The following BAIAP2 variants were observed in gnomAD, a reference collection of about 807,000 sequenced individuals.
The protein encoded by BAIAP2 is BAR/IMD domain containing adaptor protein 2.
In BAIAP2, 18 loss-of-function variants were observed where a neutral mutation model predicts 63.0. The observed-to-expected ratio is 0.29, with a 90% CI of 0.20 to 0.42. The LOEUF (loss-of-function observed/expected upper bound fraction) is 0.42. Among genes scored for constraint, BAIAP2 ranks in the 10% least tolerant of loss-of-function variants. BAIAP2 has a pLI of 1.00. For synonymous variants in BAIAP2, 386 were observed against 307.6 expected (o/e 1.25, Z -2.67); for missense variants, 610 against 734.3 (o/e 0.83, Z 1.96).
intron 3 of BAIAP2, among the ~76,000 whole-genome samples, chr17:81,061,812 C>T (rs889705259): frequency 1.3e-5 from 2 of 152,142 alleles, no homozygotes; most frequent in African/African-American, 4.8e-5. Flanking sequence ...AATCTTCCCC[C>T]TTTGTTTCAC....
At chr17:81,067,889 C>T (rs970574833) in intron 3 of BAIAP2, among the ~76,000 whole-genome samples, 2 of 152,214 alleles carry the variant, frequency 1.3e-5, no homozygotes, top group African/African-American at 4.8e-5. Flanking sequence ...GGTACTGTCA[C>T]CAGTGCTCCC....
rs73365923 is a variant in BAIAP2 at position 81,073,397 on chromosome 17, C to T, written c.218-11435C>T. On this transcript the variant is annotated intron_variant, in intron 3 of 13. Coordinates refer to ENST00000428708, the MANE Select transcript of BAIAP2 (RefSeq NM_001144888.2). ...CCCTCACCCTGGGCTCAGCCAGGGCCGCCAGCCTTCTTCCTGGGAGCAGTC... is the reference window on the plus strand; with the variant it reads ...CCCTCACCCTGGGCTCAGCCAGGGCTGCCAGCCTTCTTCCTGGGAGCAGTC... Among the ~76,000 whole-genome samples the T allele has an allele frequency of 6.9e-3, 1,043 of 152,258 alleles. 14 individuals are homozygous for T. Among genetic ancestry groups the T allele is most frequent in the African/African-American group, 0.024 (987 of 41,532 alleles).
intron 1 of BAIAP2, among the ~76,000 whole-genome samples, chr17:81,049,822 T>C (rs1013916118): frequency 3.3e-5 from 5 of 152,194 alleles, no homozygotes; most frequent in Non-Finnish European, 1.5e-5. Context: ...TTGGCCTGAT[T>C]AGGGGAGCCG....
At chr17:81,054,999 A>T (rs975803850) in intron 2 of BAIAP2, among the ~76,000 whole-genome samples, 1 of 152,104 alleles carries the variant, frequency 6.6e-6, no homozygotes, top group African/African-American at 2.4e-5. Context: ...CAGCATCTTC[A>T]TGGGCAGAGT....
At chr17:81,037,660 G>A (rs1364308675) in intron 1 of BAIAP2, among the ~76,000 whole-genome samples, 2 of 152,252 alleles carry the variant, frequency 1.3e-5, no homozygotes, top group African/African-American at 2.4e-5. Flanking sequence ...TCCCGGGGCC[G>A]CTCCTGTGCC....
At chr17:81,113,368 A>C (rs2060131363) in intron 13 of BAIAP2, among the ~76,000 whole-genome samples, 1 of 152,240 alleles carries the variant, frequency 6.6e-6, no homozygotes. Context: ...GTCCTCCGGC[A>C]GGGACCAATG....
intron 3 of BAIAP2, among the ~76,000 whole-genome samples, chr17:81,080,370 G>A (rs1261630576): frequency 2.0e-5 from 3 of 152,226 alleles, no homozygotes; most frequent in African/African-American, 7.2e-5. Flanking sequence ...TGCAGCCGCC[G>A]CTCGAAGCTC....
At chr17:81,049,994 C>T (rs1471912676) in intron 1 of BAIAP2, among the ~76,000 whole-genome samples, 1 of 152,216 alleles carries the variant, frequency 6.6e-6, no homozygotes. Flanking sequence ...TGACCAGACG[C>T]CTGACTGGAG....
At chr17:81,065,962 C>T (rs926713740) in intron 3 of BAIAP2, among the ~76,000 whole-genome samples, 3 of 152,350 alleles carry the variant, frequency 2.0e-5, no homozygotes, top group South Asian at 2.1e-4. Flanking sequence ...TGAGCGGGGC[C>T]GCAGCCCTCC....
At chr17:81,111,012 C>T (rs980322005) in intron 13 of BAIAP2, 11 of 1,606,488 alleles carry the variant, frequency 6.8e-6, no homozygotes, top group African/African-American at 2.7e-5. Flanking sequence ...TGGTTCTCCA[C>T]GGGCCCTCTG....
At chr17:81,080,244 C>T (rs972110755) in intron 3 of BAIAP2, among the ~76,000 whole-genome samples, 1 of 152,254 alleles carries the variant, frequency 6.6e-6, no homozygotes, top group African/African-American at 2.4e-5. Flanking sequence ...GGGGCGCCTG[C>T]GGCACCCTGG....
chr17:81,049,499 G>A (rs1264887800), intron 1 of BAIAP2, among the ~76,000 whole-genome samples: 1 of 152,184 alleles, frequency 6.6e-6, no homozygotes, highest in Non-Finnish European at 1.5e-5. Flanking sequence ...TAAGAAACAA[G>A]CTCCCTTCCC....
At chr17:81,078,961 C>T (rs757551464) in intron 3 of BAIAP2, among the ~76,000 whole-genome samples, 1 of 152,000 alleles carries the variant, frequency 6.6e-6, no homozygotes, top group African/African-American at 2.4e-5. Flanking sequence ...GGGGTAAGAC[C>T]TGGGGGGAGT....
At chr17:81,037,969 A>G (rs948522125) in intron 1 of BAIAP2, among the ~76,000 whole-genome samples, 1 of 152,202 alleles carries the variant, frequency 6.6e-6, no homozygotes, top group Non-Finnish European at 1.5e-5. Flanking sequence ...TCCTCGGGGA[A>G]TTTCATGGAA....
chr17:81,115,958 TGCCCCACTTGAGTCTG>T lies in BAIAP2; in HGVS notation c.*123_*138del. 6.6e-7 allele frequency: 1 copy of T among 1,522,218 alleles called. No homozygotes were observed. Among genetic ancestry groups the T allele is most frequent in the Non-Finnish European group, 8.8e-7 (1 of 1,135,032 alleles). The allele number at this position is 1,522,218 out of a possible 1,614,324, so 94.3% of individuals were successfully genotyped here. On this transcript the variant is annotated 3_prime_UTR_variant, in exon 14 of 14. Coordinates refer to ENST00000428708, the MANE Select transcript of BAIAP2 (RefSeq NM_001144888.2). ...CATCCAGGCCCCGGCTGCCTGGTCT[TGCCCCACTTGAGTCTG>T]GCCTGGACTGGATCCCAGCTGTTCT...
intron 13 of BAIAP2, among the ~76,000 whole-genome samples, chr17:81,113,356 G>A (rs376807949): frequency 1.3e-5 from 2 of 152,364 alleles, no homozygotes; most frequent in African/African-American, 2.4e-5. Flanking sequence ...GGCCTGGCAC[G>A]TGTCCTCCGG....
Position 81,054,632 on chromosome 17 carries a change from CA to C in BAIAP2, c.130+890del, listed in dbSNP as rs1216458200. Among the ~76,000 whole-genome samples the C allele has an allele frequency of 5.3e-5, 8 of 152,302 alleles. No individual in the cohort carries two copies. In the East Asian group the frequency reaches 1.5e-3, roughly 29 times the overall value. The stretch of plus-strand genomic sequence containing the variant: ...GCTGGGATGAAGCTGTTGGTAACTG[CA>C]GCAGCTTCGGGTTTGAGAAATGAGC... On this transcript the variant is annotated intron_variant, in intron 2 of 13. Coordinates refer to ENST00000428708, the MANE Select transcript of BAIAP2 (RefSeq NM_001144888.2).
intron 6 of BAIAP2, chr17:81,098,007 CG>C: frequency 1.1e-6 from 1 of 905,348 alleles, no homozygotes; most frequent in African/African-American, 1.7e-5. Context: ...CCCCGGGTGC[CG>C]GGTGTCAGCT....
chr17:81,071,978 C>A (rs765529347), intron 3 of BAIAP2, among the ~76,000 whole-genome samples: 1 of 152,224 alleles, frequency 6.6e-6, no homozygotes, highest in Non-Finnish European at 1.5e-5. Flanking sequence ...CCGTGATCAT[C>A]CCCCCCTCCC....
Sources: gnomAD v4.1 joint callset for allele counts (sites outside exome capture counted in the v4.1 genomes callset) on GRCh38, gnomAD v4.1.1 for gene constraint, MANE v1.5 for transcripts, NCBI Gene and HGNC (gene_info 2026-07-23, HGNC 2026-07-21) for gene names.